The following SPC25 variants were observed in gnomAD, a reference collection of about 807,000 sequenced individuals.
The protein encoded by SPC25 is SPC25 component of NDC80 kinetochore complex.
Under a neutral mutation model 29.6 loss-of-function variants are expected in SPC25, and 22 were observed. The observed-to-expected ratio is 0.74, with a 90% CI of 0.53 to 1.06. The LOEUF is 1.06. Ranked by LOEUF, SPC25 falls within the 50% of genes least tolerant of loss-of-function variation. The pLI is 0.00. For missense variants in SPC25, 230 were observed against 255.8 expected, an observed-to-expected ratio of 0.90 and a Z score of 0.69; for synonymous variants, 91 against 90.4, an observed-to-expected ratio of 1.01 and a Z score of -0.04.
In SPC25 at chr2:168,888,957, GTATATA is replaced by G. The variant is rs796932662; in HGVS notation, c.199+263_199+268del. Among the ~76,000 whole-genome samples, 22 of 91,668 alleles carry G rather than the reference GTATATA, an allele frequency of 2.4e-4. 2 individuals are homozygous for G. The highest frequency in any genetic ancestry group is 9.8e-4 in the African/African-American group (21 of 21,510). The allele number at this position is 91,668 out of a possible 152,430, so 60.1% of individuals were successfully genotyped here. A position where few individuals can be genotyped will look rare whatever the true frequency, so the allele number is the denominator to read the frequency against. On this transcript the variant is annotated intron_variant, in intron 3 of 6. Coordinates refer to ENST00000282074, the MANE Select transcript of SPC25 (RefSeq NM_020675.4). ...TGTGTGTGTGTGTGTGTGTGTGTGT[GTATATA>G]TATATATATACACACACACATATAT...
downstream of SPC25, among the ~76,000 whole-genome samples, chr2:168,867,558 A>T (rs977298322): frequency 6.6e-6 from 1 of 152,260 alleles, no homozygotes; most frequent in African/African-American, 2.4e-5. Flanking sequence ...AAGCAAATGG[A>T]AAACAAAAAA....
At chr2:168,872,257 C>T (rs1024491478) in intron 6 of SPC25, among the ~76,000 whole-genome samples, 1 of 152,186 alleles carries the variant, frequency 6.6e-6, no homozygotes, top group African/African-American at 2.4e-5. Context: ...CGTAAGCCAC[C>T]ATGCCCAGCC....
intron 4 of SPC25, among the ~76,000 whole-genome samples, chr2:168,862,632 CAGTCT>C (rs1214278716): frequency 6.6e-6 from 1 of 152,218 alleles, no homozygotes; most frequent in African/African-American, 2.4e-5. Flanking sequence ...TTTTTACAGC[CAGTCT>C]AAAGAGTGAG....
At chr2:168,875,763 CT>C (rs1286482652) in intron 5 of SPC25, among the ~76,000 whole-genome samples, 14 of 152,040 alleles carry the variant, frequency 9.2e-5, no homozygotes, top group African/African-American at 3.4e-4. Flanking sequence ...TACATCACTA[CT>C]TAAAAATTAC....
downstream of SPC25, among the ~76,000 whole-genome samples, chr2:168,868,787 G>A (rs1293062065): frequency 6.6e-6 from 1 of 152,162 alleles, no homozygotes. Flanking sequence ...ACAAGGAGGA[G>A]CTGGTACCAT....
At chr2:168,882,431 C>T (rs1376358287) in intron 3 of SPC25, among the ~76,000 whole-genome samples, 1 of 152,164 alleles carries the variant, frequency 6.6e-6, no homozygotes, top group Non-Finnish European at 1.5e-5. Flanking sequence ...ATGGTGAAAC[C>T]TCGTCTCTGC....
intron 6 of SPC25, among the ~76,000 whole-genome samples, chr2:168,872,115 A>T (rs111836038): frequency 0.02 from 3,062 of 152,206 alleles, 83 homozygotes; most frequent in African/African-American, 0.068. Flanking sequence ...GCTGGGATTA[A>T]AGGTAACATG....
chr2:168,886,086 C>T (rs925438456), intron 3 of SPC25, among the ~76,000 whole-genome samples: 9 of 132,032 alleles, frequency 6.8e-5, no homozygotes, highest in African/African-American at 2.6e-4. Flanking sequence ...CAGGGTCTCA[C>T]TCTGTCGCCC....
chr2:168,865,004 G>C, intron 4 of SPC25: 1 of 1,609,444 alleles, frequency 6.2e-7, no homozygotes, highest in Non-Finnish European at 8.5e-7. Context: ...TTCACACTCG[G>C]TAATCAACAA....
intron 3 of SPC25, among the ~76,000 whole-genome samples, chr2:168,882,029 T>C (rs11688437): frequency 0.25 from 38,295 of 152,162 alleles, 5,666 homozygotes; most frequent in Non-Finnish European, 0.32. Context: ...TAGGCTCTGT[T>C]TGAAAAAAAC....
chr2:168,864,955 A>C, intron 4 of SPC25: 1 of 1,614,074 alleles, frequency 6.2e-7, no homozygotes. Context: ...CTGGCAACAC[A>C]GCTACAAAGG....
intron 3 of SPC25, among the ~76,000 whole-genome samples, chr2:168,888,534 A>G (rs1041508094): frequency 2.0e-5 from 3 of 152,032 alleles, no homozygotes; most frequent in Non-Finnish European, 2.9e-5. Flanking sequence ...CAGCCTGGGC[A>G]ACAGAGCGAG....
chr2:168,867,267 T>C (rs1250735194), downstream of SPC25, among the ~76,000 whole-genome samples: 6 of 151,884 alleles, frequency 4.0e-5, no homozygotes, highest in Admixed American at 2.6e-4. Context: ...AAATGTGGCA[T>C]ACACTGCAAA....
intron 4 of SPC25, among the ~76,000 whole-genome samples, chr2:168,876,523 T>C (rs1249620371): frequency 6.6e-6 from 1 of 151,944 alleles, no homozygotes; most frequent in Non-Finnish European, 1.5e-5. Flanking sequence ...AATTGCTTCA[T>C]GGGAAAATGT....
chr2:168,876,101 C>A lies in SPC25; in HGVS notation c.422G>T (p.Arg141Leu). ...LQKSADLYKD[R>L]LGLEIRKIYG... ...AATTTTTCGAATTTCTAGTCCAAGT[C>A]GATCTTTATACAAGTCTGCAGATTT... Residue 141 changes from arginine to leucine, a missense_variant, in exon 5 of 7, where the codon CGA (arginine) becomes CTA (leucine). Arg to Leu is a moderately radical substitution (Grantham distance 102). Coordinates refer to ENST00000282074, the MANE Select transcript of SPC25 (RefSeq NM_020675.4). The A allele has an allele frequency of 6.4e-7, 1 of 1,555,672 alleles. No individual in the cohort carries two copies. Among genetic ancestry groups the A allele is most frequent in the South Asian group, 1.3e-5 (1 of 78,946 alleles).
Position 168,871,530 on chromosome 2 carries a change from C to T in SPC25, c.576G>A (p.Glu192=). 6.3e-7 allele frequency: 1 copy of T among 1,596,498 alleles called. No individual in the cohort carries two copies. Among genetic ancestry groups the T allele is most frequent in the Non-Finnish European group, 8.5e-7 (1 of 1,174,382 alleles). Residue 192 remains glutamate (E), a synonymous_variant, in exon 7 of 7, where the codon GAG becomes GAA. Coordinates refer to ENST00000282074, the MANE Select transcript of SPC25 (RefSeq NM_020675.4). Reference sequence around the variant, plus strand: ...CATTCTCTTGAAATTCTGCTAGGCCCTCAAGATGAGGGGCACTATCTGACA... The same window carrying T: ...CATTCTCTTGAAATTCTGCTAGGCCTTCAAGATGAGGGGCACTATCTGACA... The part of the protein sequence containing the change: ...YEVSDSAPHL[E]GLAEFQENVR...
At chr2:168,869,777 T>C (rs1327006230), downstream of SPC25, among the ~76,000 whole-genome samples, 2 of 152,112 alleles carry the variant, frequency 1.3e-5, no homozygotes, top group African/African-American at 2.4e-5. Context: ...AATGGCCATG[T>C]TGCCCAAGGT....
intron 3 of SPC25, among the ~76,000 whole-genome samples, chr2:168,882,696 C>G (rs147288865): frequency 1.9e-3 from 287 of 152,300 alleles, no homozygotes; most frequent in Non-Finnish European, 3.2e-3. Context: ...AAATTATCCT[C>G]CTCCAACAAT....
chr2:168,888,989 A>G (rs868310480), intron 3 of SPC25, among the ~76,000 whole-genome samples: 74 of 124,196 alleles, frequency 6.0e-4, no homozygotes, highest in Middle Eastern at 4.2e-3. Context: ...ACACATATAT[A>G]TGTATATATA....
Sources: allele counts gnomAD v4.1 joint callset (sites outside exome capture counted in the v4.1 genomes callset), GRCh38; gene constraint gnomAD v4.1.1; transcripts MANE v1.5; gene names NCBI Gene and HGNC (gene_info 2026-07-23, HGNC 2026-07-21).